The following ADARB1 variants were observed in gnomAD, a reference collection of about 807,000 sequenced individuals.
ADARB1 encodes double-stranded RNA-specific editase 1.
In ADARB1, 10 loss-of-function variants were observed where a neutral mutation model predicts 52.4. The ratio of observed to expected loss-of-function variants is 0.19; its 90% CI spans 0.12 to 0.32. The LOEUF is 0.32. Ranked by LOEUF, ADARB1 falls within the 10% of genes least tolerant of loss-of-function variation. The probability of loss-of-function intolerance (pLI) is 1.00; values close to 1 mark genes in which losing one functional copy is unlikely to be tolerated. For synonymous variants in ADARB1, 349 were observed against 371.1 expected (o/e 0.94, Z 0.68); for missense variants, 643 against 922.3 (o/e 0.70, Z 3.92).
At chr21:45,188,653 G>T (rs2092189289) in intron 8 of ADARB1, among the ~76,000 whole-genome samples, 1 of 150,940 alleles carries the variant, frequency 6.6e-6, no homozygotes, top group Admixed American at 6.6e-5. Context: ...TGTATCTTTT[G>T]ATTGGGGAGT....
intron 1 of ADARB1, among the ~76,000 whole-genome samples, chr21:45,079,239 C>A (rs927560409): frequency 1.3e-5 from 2 of 152,204 alleles, no homozygotes; most frequent in Non-Finnish European, 2.9e-5. Context: ...ATGTAGCCAA[C>A]TAGATTGTGA....
rs1304939586 is a variant in ADARB1 at position 45,208,199 on chromosome 21, C to T, written c.1747+3463C>T. Among the ~76,000 whole-genome samples the T allele has an allele frequency of 3.3e-5, 5 of 152,186 alleles. No individual in the cohort carries two copies. Among genetic ancestry groups the T allele is most frequent in the Admixed American group, 6.5e-5 (1 of 15,278 alleles). On this transcript the variant is annotated intron_variant, in intron 9 of 10. Transcript: ENST00000348831. This position sits in a 1 kb window ranked among gnomAD's most constrained non-coding sequence, Gnocchi z 5.6. ...TCAGCTGGCCCAGTTTGTTGTCCAA[C>T]GCTCACTAAGATAAACCAAGAAGAA...
chr21:45,159,219 C>G (rs1023707102), intron 2 of ADARB1, among the ~76,000 whole-genome samples: 3 of 152,060 alleles, frequency 2.0e-5, no homozygotes, highest in Non-Finnish European at 4.4e-5. Context: ...AACAAAGGGA[C>G]GTCTTATATG....
intron 7 of ADARB1, chr21:45,184,448 ATTTTTTTT>A: frequency 7.1e-6 from 1 of 141,692 alleles, no homozygotes; most frequent in Non-Finnish European, 1.5e-5. Context: ...ATTTCATATA[ATTTTTTTT>A]TTTTTTTTTT....
intron 2 of ADARB1, among the ~76,000 whole-genome samples, chr21:45,164,522 T>G (rs1258713070): frequency 4.9e-5 from 2 of 41,226 alleles, no homozygotes; most frequent in South Asian, 9.9e-4. Flanking sequence ...GCACTGTGCG[T>G]GGAGGGAGAG....
At chr21:45,126,773 A>C (rs537134263) in intron 1 of ADARB1, among the ~76,000 whole-genome samples, 5 of 152,090 alleles carry the variant, frequency 3.3e-5, no homozygotes, top group Non-Finnish European at 5.9e-5. Flanking sequence ...CCATTCTCAC[A>C]CTTGATGTTT....
In ADARB1 at chr21:45,142,320, A is replaced by T. The variant is rs996333394; in HGVS notation, c.-48+13747A>T. Among the ~76,000 whole-genome samples, 1 of 152,218 alleles carries T rather than the reference A, an allele frequency of 6.6e-6. No individual in the cohort carries two copies. Among genetic ancestry groups the T allele is most frequent in the Non-Finnish European group, 1.5e-5 (1 of 68,040 alleles). ...TAACCCTAAGTTGCATGGTAAAGTCACCTTTAAAGCCAATGGAAAAAGCTT... is the reference window on the plus strand; with the variant it reads ...TAACCCTAAGTTGCATGGTAAAGTCTCCTTTAAAGCCAATGGAAAAAGCTT... On this transcript the variant is annotated intron_variant, in intron 2 of 10. Coordinates refer to ENST00000348831, the MANE Select transcript of ADARB1 (RefSeq NM_001112.4). The surrounding 1 kb of genome is among the most constrained non-coding windows in gnomAD (Gnocchi z 4.0).
chr21:45,213,863 C>T (rs1301474927), intron 9 of ADARB1, among the ~76,000 whole-genome samples: 1 of 152,172 alleles, frequency 6.6e-6, no homozygotes, highest in Non-Finnish European at 1.5e-5. Flanking sequence ...CATTTCTGTA[C>T]AAATCTTTGG....
chr21:45,213,168 A>C (rs73907276), intron 9 of ADARB1, among the ~76,000 whole-genome samples: 2,374 of 152,300 alleles, frequency 0.016, 71 homozygotes, highest in African/African-American at 0.052. Flanking sequence ...AGAATCTCAG[A>C]GGTAGGATTC....
chr21:45,103,201 T>C (rs2087102578), intron 1 of ADARB1, among the ~76,000 whole-genome samples: 1 of 152,118 alleles, frequency 6.6e-6, no homozygotes, highest in Admixed American at 6.5e-5. Flanking sequence ...GACGAAAGTG[T>C]GGATTTCAGT....
chr21:45,209,202 C>T (rs1395184408), intron 9 of ADARB1, among the ~76,000 whole-genome samples: 2 of 152,184 alleles, frequency 1.3e-5, no homozygotes, highest in Non-Finnish European at 2.9e-5. Flanking sequence ...ATTCTGATGA[C>T]ATCATCTTGA....
At chr21:45,164,271 G>C (rs1201776459) in intron 2 of ADARB1, among the ~76,000 whole-genome samples, 1 of 152,124 alleles carries the variant, frequency 6.6e-6, no homozygotes, top group East Asian at 1.9e-4. Context: ...GACAGCTGTT[G>C]AATGTGTCCA....
chr21:45,169,651 C>T (rs919996351), intron 2 of ADARB1, among the ~76,000 whole-genome samples: 1 of 152,200 alleles, frequency 6.6e-6, no homozygotes, highest in Non-Finnish European at 1.5e-5. Flanking sequence ...GAGAAGAACT[C>T]TGTCTTCCCA....
chr21:45,183,346 A>G lies in ADARB1; in HGVS notation c.1248-16A>G. On this transcript the variant is annotated splice_polypyrimidine_tract_variant and intron_variant, in intron 6 of 10. Transcript: ENST00000348831. ...TACAGCTTTAAATGTTACTTTTGCA[A>G]CTTTTTTCCTTTCAGTAACAAAGAT... 4.4e-6 allele frequency: 7 copies of G among 1,592,886 alleles called. No homozygotes were observed. The highest frequency in any genetic ancestry group is 6.0e-6 in the Non-Finnish European group (7 of 1,173,536).
rs987557757 is a variant in ADARB1 at position 45,152,395 on chromosome 21, T to C, written c.-47-19215T>C. Among the ~76,000 whole-genome samples the C allele has an allele frequency of 3.9e-5, 6 of 152,184 alleles. No homozygotes were observed. The East Asian group carries it at 1.2e-3, about 29-fold the overall frequency. ...ATGTCATTCTCTGGGTGGTGTGCTC[T>C]GAAGTCATTGTGGTGTGTGGGCCCC... On this transcript the variant is annotated intron_variant, in intron 2 of 10. Coordinates refer to ENST00000348831, the MANE Select transcript of ADARB1 (RefSeq NM_001112.4).
At chr21:45,156,499 C>A (rs1264116863) in intron 2 of ADARB1, among the ~76,000 whole-genome samples, 14 of 131,338 alleles carry the variant, frequency 1.1e-4, no homozygotes, top group Admixed American at 3.0e-4. Context: ...ATCCATCCAC[C>A]CACGCACCCA....
chr21:45,174,075 A>C (rs943986813), intron 3 of ADARB1, among the ~76,000 whole-genome samples: 11 of 152,190 alleles, frequency 7.2e-5, no homozygotes, highest in African/African-American at 2.7e-4. Context: ...CCATGGATGA[A>C]GCTGATGAAT....
intron 8 of ADARB1, among the ~76,000 whole-genome samples, chr21:45,197,287 G>T (rs941967726): frequency 6.6e-6 from 1 of 152,146 alleles, no homozygotes; most frequent in South Asian, 2.1e-4. Context: ...GGATCACAAG[G>T]TCAGGAGTTC....
chr21:45,132,212 C>G (rs902158823), intron 2 of ADARB1: 5 of 152,176 alleles, frequency 3.3e-5, no homozygotes, highest in African/African-American at 1.2e-4. Context: ...CCCCTGTCAC[C>G]AGGAAGCTGT....
Sources: gnomAD v4.1 joint callset for allele counts (sites outside exome capture counted in the v4.1 genomes callset) on GRCh38, gnomAD v4.1.1 for gene constraint, Gnocchi (gnomAD v3.1) non-coding constraint, MANE v1.5 for transcripts, NCBI Gene and HGNC (gene_info 2026-07-23, HGNC 2026-07-21) for gene names.